SPAG17: variants seen among roughly 807,000 people sequenced by gnomAD.
SPAG17 encodes the protein sperm associated antigen 17.
In SPAG17, 169 loss-of-function variants were observed where a neutral mutation model predicts 273.6. The ratio of observed to expected loss-of-function variants is 0.62; its 90% CI spans 0.55 to 0.70. The LOEUF is 0.70. Among genes scored for constraint, SPAG17 ranks in the 30% least tolerant of loss-of-function variants. The pLI is 0.00. For synonymous variants in SPAG17, 825 were observed against 873.2 expected (o/e 0.94, Z 0.97); for missense variants, 2,557 against 2,627.8 (o/e 0.97, Z 0.59).
At chr1:118,020,531 A>G (rs1452991437) in intron 28 of SPAG17, among the ~76,000 whole-genome samples, 2 of 152,158 alleles carry the variant, frequency 1.3e-5, no homozygotes, top group African/African-American at 2.4e-5. Flanking sequence ...ATGTATGAAT[A>G]TCTATCATCA....
In SPAG17 at chr1:118,069,283, T is replaced by G. The variant is rs1653315303; in HGVS notation, c.2386-2384A>C. On this transcript the variant is annotated intron_variant, in intron 17 of 48. Coordinates refer to ENST00000336338, the MANE Select transcript of SPAG17 (RefSeq NM_206996.4). ...TTGCTTCAACCCAGGAGGCGGAGGTTGCAGTGAGCCGAGAGCATGCCACTG... is the reference window on the plus strand; with the variant it reads ...TTGCTTCAACCCAGGAGGCGGAGGTGGCAGTGAGCCGAGAGCATGCCACTG... 1.4e-5 allele frequency among the ~76,000 whole-genome samples: 2 copies of G among 140,600 alleles called. 1 individual carries two copies. The highest frequency in any genetic ancestry group is 4.4e-4 in the South Asian group (2 of 4,510). The allele number at this position is 140,600 out of a possible 152,430, so 92.2% of individuals were successfully genotyped here. A position where few individuals can be genotyped will look rare whatever the true frequency, so the allele number is the denominator to read the frequency against.
intron 3 of SPAG17, among the ~76,000 whole-genome samples, chr1:118,148,787 G>A (rs2102344005): frequency 6.6e-6 from 1 of 152,278 alleles, no homozygotes; most frequent in East Asian, 1.9e-4. Context: ...GACTTTCTGG[G>A]CCTATTCCAT....
chr1:118,120,696 G>A (rs1351781603), intron 3 of SPAG17, among the ~76,000 whole-genome samples: 3 of 152,140 alleles, frequency 2.0e-5, no homozygotes, highest in African/African-American at 7.2e-5. Context: ...GGGCTGGTAT[G>A]GGGCAAGAAT....
At chr1:118,025,927 G>C (rs1304015738) in intron 26 of SPAG17, among the ~76,000 whole-genome samples, 1 of 152,152 alleles carries the variant, frequency 6.6e-6, no homozygotes, top group Non-Finnish European at 1.5e-5. Context: ...ACACCTAGTA[G>C]GTACCTTCTC....
intron 43 of SPAG17, among the ~76,000 whole-genome samples, chr1:117,979,149 A>G (rs996535170): frequency 2.0e-5 from 3 of 152,104 alleles, no homozygotes; most frequent in Non-Finnish European, 2.9e-5. Context: ...GATTACAGGC[A>G]TGAGCCACCG....
chr1:118,152,263 G>A (rs1318438594), intron 1 of SPAG17, among the ~76,000 whole-genome samples: 1 of 152,136 alleles, frequency 6.6e-6, no homozygotes. Flanking sequence ...AAAGGGGTTG[G>A]ACAGGGCAAT....
At chr1:118,135,385 G>A (rs1658287484) in intron 3 of SPAG17, among the ~76,000 whole-genome samples, 1 of 150,612 alleles carries the variant, frequency 6.6e-6, no homozygotes, top group Non-Finnish European at 1.5e-5. Context: ...GTGTGTGTGT[G>A]TGTGTGTGTG....
intron 7 of SPAG17, among the ~76,000 whole-genome samples, chr1:118,095,644 G>A (rs1224152214): frequency 6.6e-6 from 1 of 152,212 alleles, no homozygotes; most frequent in East Asian, 1.9e-4. Context: ...CTGTGGAAGA[G>A]AGAGTAAGAA....
At chr1:117,959,632 A>G (rs2101333964) in intron 48 of SPAG17, 1 of 539,608 alleles carries the variant, frequency 1.9e-6, no homozygotes, top group East Asian at 3.3e-5. Context: ...GGCTGGCTCC[A>G]TTTCTTGGAC....
At chr1:118,115,567 C>T (rs1570720109) in intron 3 of SPAG17, 126 bp from the exon 4 acceptor site, 5 of 970,784 alleles carry the variant, frequency 5.2e-6, no homozygotes, top group African/African-American at 1.7e-5. Context: ...TCATTGCTGG[C>T]TGAAAAAAAA....
intron 42 of SPAG17, among the ~76,000 whole-genome samples, chr1:117,982,505 T>C (rs1006796163): frequency 6.6e-6 from 1 of 152,194 alleles, no homozygotes; most frequent in Non-Finnish European, 1.5e-5. Flanking sequence ...CCTCCTAAAG[T>C]GCTGGGATTA....
At chr1:118,135,799 A>G (rs1428415079) in intron 3 of SPAG17, among the ~76,000 whole-genome samples, 1 of 152,198 alleles carries the variant, frequency 6.6e-6, no homozygotes, top group Admixed American at 6.5e-5. Context: ...CTTTCTTACT[A>G]CTACTACTGG....
intron 41 of SPAG17, 58 bp downstream of exon 41, chr1:117,984,625 G>A (rs1656201855): frequency 7.4e-6 from 8 of 1,078,068 alleles, no homozygotes; most frequent in Admixed American, 2.0e-5. Flanking sequence ...AATAACATAT[G>A]CAATATACCA....
intron 32 of SPAG17, among the ~76,000 whole-genome samples, chr1:118,003,915 C>A (rs569662362): frequency 6.6e-6 from 1 of 152,286 alleles, no homozygotes; most frequent in African/African-American, 2.4e-5. Flanking sequence ...GAATTTTCAG[C>A]TTTTCTGCTC....
chr1:117,988,040 A>G (rs1036836293), intron 39 of SPAG17, 65 bp downstream of exon 39: 22 of 1,459,902 alleles, frequency 1.5e-5, no homozygotes, highest in Non-Finnish European at 2.0e-5. Context: ...TAGCACCTGC[A>G]TATTCCATTT....
In SPAG17 at chr1:118,028,263, A is replaced by G; in HGVS notation, c.3730+11T>C. ...TCCCTGCTTCCCCACCCTACCCCAT[A>G]TAGCACTTACCTGTAGATTCTTGTC... On this transcript the variant is annotated intron_variant, in intron 26 of 48. Transcript: ENST00000336338. 1.2e-6 allele frequency: 2 copies of G among 1,611,010 alleles called. No homozygotes were observed. Among genetic ancestry groups the G allele is most frequent in the South Asian group, 1.1e-5 (1 of 90,384 alleles).
chr1:118,041,865 CT>C lies in SPAG17; in HGVS notation c.2991del (p.Val998SerfsTer6). 6.2e-7 allele frequency: 1 copy of C among 1,613,884 alleles called. No homozygotes were observed. Among genetic ancestry groups the C allele is most frequent in the Non-Finnish European group, 8.5e-7 (1 of 1,179,858 alleles). On this transcript the variant is annotated frameshift_variant, in exon 21 of 49. Transcript: ENST00000336338. LOFTEE classifies it high-confidence loss of function. ...SPYKEKSKEE[Q>X]VKIQEVTEES... ...TCTTCTGTTACTTCTTGGATCTTGA[CT>C]TGTTCTTCTTTAGATTTCTCCTTGT...
intron 48 of SPAG17, chr1:117,960,110 G>GTGTGTGTA (rs1491254328): frequency 5.4e-3 from 11 of 2,020 alleles, no homozygotes; most frequent in African/African-American, 0.013. Flanking sequence ...TAATACACTC[G>GTGTGTGTA]TGTGTGTGTG....
At chr1:118,016,876 A>G (rs1220952044) in intron 28 of SPAG17, among the ~76,000 whole-genome samples, 2 of 152,236 alleles carry the variant, frequency 1.3e-5, no homozygotes, top group Admixed American at 1.3e-4. Flanking sequence ...CTATCAGGGT[A>G]GACATACTCC....
Sources: gnomAD v4.1 joint callset for allele counts (sites outside exome capture counted in the v4.1 genomes callset) on GRCh38, gnomAD v4.1.1 for gene constraint, MANE v1.5 for transcripts, NCBI Gene and HGNC (gene_info 2026-07-23, HGNC 2026-07-21) for gene names.